The following MMS19 variants were observed in gnomAD, a reference collection of about 807,000 sequenced individuals.
MMS19 encodes MMS19 cytosolic iron-sulfur assembly component.
In MMS19, 77 loss-of-function variants were observed where a neutral mutation model predicts 129.8. The observed-to-expected ratio is 0.59, with a 90% CI of 0.49 to 0.72. MMS19 has a LOEUF of 0.72. Ranked by LOEUF, MMS19 falls within the 30% of genes least tolerant of loss-of-function variation. MMS19 has a pLI of 0.00. For synonymous variants in MMS19, 491 were observed against 502.8 expected (o/e 0.98, Z 0.31); for missense variants, 1,168 against 1,266.3 (o/e 0.92, Z 1.18).
At chr10:97,494,616 C>A (rs968551290) in intron 1 of MMS19, among the ~76,000 whole-genome samples, 3 of 152,062 alleles carry the variant, frequency 2.0e-5, no homozygotes, top group Admixed American at 2.0e-4. Flanking sequence ...AAACACAATA[C>A]AATAAAGACT....
rs1429195187 is a variant in MMS19, at chr10:97,464,019, G to A, written c.1757-6C>T. The A allele has an allele frequency of 1.2e-6, 2 of 1,610,760 alleles. No homozygotes were observed. The highest frequency in any genetic ancestry group is 1.3e-5 in the African/African-American group (1 of 74,910). On this transcript the variant is annotated splice_region_variant and splice_polypyrimidine_tract_variant and intron_variant, in intron 18 of 30. Transcript: ENST00000438925. ...GGATTGTGCAACCATATTCCCTGTT[G>A]ATGAGAAAGTGTTCTCTGTAAGGTT...
intron 12 of MMS19, 41 bp downstream of exon 12, chr10:97,468,925 A>T (rs776697808): frequency 6.4e-7 from 1 of 1,562,510 alleles, no homozygotes; most frequent in Non-Finnish European, 8.7e-7. Context: ...TGTCGTTTCT[A>T]TTGTGCTCAC....
intron 3 of MMS19, among the ~76,000 whole-genome samples, chr10:97,479,651 G>C (rs2036397929): frequency 6.6e-6 from 1 of 152,078 alleles, no homozygotes; most frequent in Admixed American, 6.5e-5. Flanking sequence ...CACATCCTGG[G>C]ATCCAGTGTA....
At chr10:97,495,851 C>T (rs1251535515) in intron 1 of MMS19, among the ~76,000 whole-genome samples, 3 of 152,186 alleles carry the variant, frequency 2.0e-5, no homozygotes, top group South Asian at 2.1e-4. Flanking sequence ...GCGCGATCTC[C>T]GCTCACGGCA....
Position 97,497,879 on chromosome 10 carries a change from C to T in MMS19, c.112+394G>A, listed in dbSNP as rs29001252. 5.9e-5 allele frequency among the ~76,000 whole-genome samples: 9 copies of T among 152,270 alleles called. No individual in the cohort carries two copies. In the East Asian group the frequency reaches 1.7e-3, roughly 29 times the overall value. On this transcript the variant is annotated intron_variant, in intron 1 of 30. Coordinates refer to ENST00000438925, the MANE Select transcript of MMS19 (RefSeq NM_022362.5). ...GAGCGGACGCTGCGAGGATGCACCTCCACACGTCAACCTCCCACAAACAGC... is the reference window on the plus strand; with the variant it reads ...GAGCGGACGCTGCGAGGATGCACCTTCACACGTCAACCTCCCACAAACAGC...
rs200413351 is a variant in MMS19, at chr10:97,458,785, G to A, written c.3065+15C>T. The A allele has an allele frequency of 1.5e-5, 24 of 1,613,746 alleles. No individual in the cohort carries two copies. Among genetic ancestry groups the A allele is most frequent in the Middle Eastern group, 1.6e-4 (1 of 6,062 alleles). On this transcript the variant is annotated intron_variant, in intron 30 of 30. Transcript: ENST00000438925. ...TCATCTTGGTCCCATCTCTCCCCAC[G>A]ACCTAGAAACTCACCACTCCCCTCT... is the stretch of plus-strand genomic sequence containing the variant.
At chr10:97,463,616 A>G (rs11189230) in intron 19 of MMS19, among the ~76,000 whole-genome samples, 4,499 of 152,306 alleles carry the variant, frequency 0.03, 93 homozygotes, top group Non-Finnish European at 0.047. Flanking sequence ...ATCACATAGC[A>G]CTTCATGGGG....
Position 97,470,836 on chromosome 10 carries a change from T to C in MMS19, c.710A>G (p.Gln237Arg). The stretch of plus-strand genomic sequence containing the variant: ...AAGACTCAGGATGAGGTCTTCTCTC[T>C]GGATACCATGGGGATCATTAGGTGG... ...TPPPNDPHGI[Q>R]REDLILSLRA... is the part of the protein sequence containing the mutation. Residue 237 changes from glutamine (Q) to arginine (R), a missense_variant, in exon 9 of 31, where the codon CAG becomes CGG. Gln to Arg is a conservative substitution (Grantham distance 43). Coordinates refer to ENST00000438925, the MANE Select transcript of MMS19 (RefSeq NM_022362.5). 6.2e-7 allele frequency: 1 copy of C among 1,613,898 alleles called. No individual in the cohort carries two copies. The highest frequency in any genetic ancestry group is 8.5e-7 in the Non-Finnish European group (1 of 1,179,816).
At chr10:97,490,251 G>C (rs917642595) in intron 1 of MMS19, among the ~76,000 whole-genome samples, 3 of 152,034 alleles carry the variant, frequency 2.0e-5, no homozygotes, top group Non-Finnish European at 2.9e-5. Flanking sequence ...CCTAATTTTT[G>C]TATTTTTTTG....
chr10:97,476,710 G>A lies in MMS19; in HGVS notation c.657C>T (p.Ser219=), dbSNP rs146837722. ...GGGTAAAATCGATAGGGAAATAACAGGATGTCACTTCAAACAACTCCTCCA... is the reference window on the plus strand; with the variant it reads ...GGGTAAAATCGATAGGGAAATAACAAGATGTCACTTCAAACAACTCCTCCA... ...PFVEELFEVT[S]CYFPIDFTPP... Residue 219 remains serine (S), a synonymous_variant, in exon 8 of 31, where the codon TCC becomes TCT. Transcript: ENST00000438925. 127 of 1,613,912 alleles carry A rather than the reference G, an allele frequency of 7.9e-5. No individual in the cohort carries two copies. The African/African-American group carries it at 1.4e-3, about 18-fold the overall frequency.
intron 26 of MMS19, 112 bp from the exon 27 acceptor site, chr10:97,459,853 G>C: frequency 9.9e-7 from 1 of 1,006,588 alleles, no homozygotes; most frequent in Non-Finnish European, 1.5e-6. Context: ...GGGTGAAAGA[G>C]CCCTTCACGC....
At position 97,460,004 on chromosome 10, in the gene MMS19, G is replaced by A. The variant is rs576187783; in HGVS notation, c.2656+42C>T. On this transcript the variant is annotated intron_variant, in intron 26 of 30. Coordinates refer to ENST00000438925, the MANE Select transcript of MMS19 (RefSeq NM_022362.5). Reference sequence around the variant, plus strand: ...TCTTAGGGAATGTGGCCAAGCAAAGGAGAGATGTGTATATGTGGGGACCTT... The same window carrying A: ...TCTTAGGGAATGTGGCCAAGCAAAGAAGAGATGTGTATATGTGGGGACCTT... 37 of 1,591,952 alleles carry A rather than the reference G, an allele frequency of 2.3e-5. No homozygotes were observed. In the African/African-American group the frequency reaches 3.9e-4, roughly 17 times the overall value.
intron 1 of MMS19, among the ~76,000 whole-genome samples, chr10:97,492,156 A>G (rs1473868464): frequency 2.2e-5 from 3 of 139,310 alleles, no homozygotes; most frequent in African/African-American, 8.0e-5. Context: ...AAAAAAAAAA[A>G]GTATAAAAGT....
Position 97,460,834 on chromosome 10 carries a change from T to C in MMS19, c.2412+73A>G, listed in dbSNP as rs1014322733. 2.6e-6 allele frequency: 4 copies of C among 1,533,504 alleles called. No homozygotes were observed. In the African/African-American group the frequency reaches 5.5e-5, roughly 21 times the overall value. The allele number at this position is 1,533,504 out of a possible 1,614,324, so 95.0% of individuals were successfully genotyped here. A position where few individuals can be genotyped will look rare whatever the true frequency, so the allele number is the denominator to read the frequency against. ...AGACATAGATGTTTATGGTTTAGGG[T>C]CAAACAGGGACATTTTATTTAACCA... On this transcript the variant is annotated intron_variant, in intron 24 of 30. Coordinates refer to ENST00000438925, the MANE Select transcript of MMS19 (RefSeq NM_022362.5).
At chr10:97,472,739 A>G (rs936760581) in intron 8 of MMS19, among the ~76,000 whole-genome samples, 1 of 151,870 alleles carries the variant, frequency 6.6e-6, no homozygotes, top group African/African-American at 2.4e-5. Context: ...CCTCCCGAGT[A>G]GCAGGGGCTA....
intron 11 of MMS19, 79 bp from the exon 12 acceptor site, chr10:97,469,183 G>A: frequency 6.7e-7 from 1 of 1,487,044 alleles, no homozygotes; most frequent in Non-Finnish European, 8.9e-7. Context: ...CTATTTCCTT[G>A]TTGGAGAGGG....
chr10:97,470,095 G>A lies in MMS19; in HGVS notation c.846+34C>T, dbSNP rs984647993. 3.0e-5 allele frequency: 43 copies of A among 1,453,254 alleles called. No homozygotes were observed. In the East Asian group the frequency reaches 9.3e-4, roughly 31 times the overall value. 90.0% of individuals were successfully genotyped at this position (1,453,254 alleles called of 1,614,324 possible). A position where few individuals can be genotyped will look rare whatever the true frequency, so the allele number is the denominator to read the frequency against. ...TTTAGGACCCCTAACTTGTCAAAAGGTAGCTGGGTCCTGCAAGGAGAAAAA... is the reference window on the plus strand; with the variant it reads ...TTTAGGACCCCTAACTTGTCAAAAGATAGCTGGGTCCTGCAAGGAGAAAAA... On this transcript the variant is annotated intron_variant, in intron 10 of 30. Transcript: ENST00000438925.
intron 8 of MMS19, among the ~76,000 whole-genome samples, chr10:97,476,163 G>C (rs148051941): frequency 6.6e-6 from 1 of 152,356 alleles, no homozygotes; most frequent in Non-Finnish European, 1.5e-5. Flanking sequence ...GAGGGTCAGA[G>C]CAAATACCTT....
chr10:97,479,963 C>A (rs1034002643), intron 3 of MMS19, among the ~76,000 whole-genome samples: 9 of 152,268 alleles, frequency 5.9e-5, no homozygotes, highest in East Asian at 1.9e-4. Context: ...CAGGCCGCAA[C>A]CTTTGATATG....
Sources: allele counts gnomAD v4.1 joint callset (sites outside exome capture counted in the v4.1 genomes callset), GRCh38; gene constraint gnomAD v4.1.1; transcripts MANE v1.5; gene names NCBI Gene and HGNC (gene_info 2026-07-23, HGNC 2026-07-21).